Variants in CCDC187 observed in about 807,000 individuals in gnomAD.
The protein encoded by CCDC187 is coiled-coil domain containing 187.
Under a neutral mutation model 38.0 loss-of-function variants are expected in CCDC187, and 32 were observed. That is an observed-to-expected ratio of 0.84 (90% CI 0.64 to 1.13). The LOEUF (loss-of-function observed/expected upper bound fraction) is 1.13. CCDC187 is among the 50% of genes most tolerant of loss of function. The probability of loss-of-function intolerance (pLI) is 0.00; values close to 1 mark genes in which losing one functional copy is unlikely to be tolerated. For missense variants in CCDC187, 707 were observed against 786.8 expected, an observed-to-expected ratio of 0.90 and a Z score of 1.21; for synonymous variants, 333 against 347.9, an observed-to-expected ratio of 0.96 and a Z score of 0.48.
At chr9:136,305,603 T>A (rs930894898), upstream of CCDC187, among the ~76,000 whole-genome samples, 62 of 152,308 alleles carry the variant, frequency 4.1e-4, 1 homozygote, top group Non-Finnish European at 1.5e-5. Context: ...AGGGTCCTCC[T>A]GAGCAGAAGA....
chr9:136,304,778 G>A (rs1588679583), upstream of CCDC187, among the ~76,000 whole-genome samples: 1 of 152,366 alleles, frequency 6.6e-6, no homozygotes, highest in East Asian at 1.9e-4. Flanking sequence ...CCCCGCGGGA[G>A]GTGGCAGTGG....
chr9:136,294,119 C>T (rs1831472032), intron 4 of CCDC187, among the ~76,000 whole-genome samples: 1 of 76,032 alleles, frequency 1.3e-5, no homozygotes, highest in South Asian at 3.7e-4. Flanking sequence ...CTCACACACT[C>T]TCACACTCAT....
chr9:136,267,652 C>T (rs905297951), intron 15 of CCDC187, 141 bp from the exon 16 acceptor site: 20 of 977,592 alleles, frequency 2.0e-5, no homozygotes, highest in Non-Finnish European at 2.1e-5. Context: ...GAGAAGCCCT[C>T]TCGGACTGCC....
chr9:136,268,581 T>C (rs1830787624), intron 14 of CCDC187, among the ~76,000 whole-genome samples: 1 of 152,150 alleles, frequency 6.6e-6, no homozygotes, highest in Non-Finnish European at 1.5e-5. Context: ...AAAAGGAGCC[T>C]GTACTTCAAG....
intron 14 of CCDC187, among the ~76,000 whole-genome samples, chr9:136,274,246 G>A (rs375680883): frequency 1.2e-4 from 18 of 152,236 alleles, no homozygotes; most frequent in Non-Finnish European, 2.1e-4. Flanking sequence ...GAGCAAGGCC[G>A]ACAGCAGCCT....
In CCDC187 at chr9:136,258,582, A is replaced by T; in HGVS notation, c.4366+350T>A. On this transcript the variant is annotated intron_variant, in intron 22 of 25. Coordinates refer to ENST00000638797, the MANE Select transcript of CCDC187 (RefSeq NM_001378188.1). This position sits in a 1 kb window ranked among gnomAD's most constrained non-coding sequence, Gnocchi z 4.3. ...AAGTGTAAGGTTCAGAAAGAGAAAA[A>T]TGTAATCGGTGCAGAAACCTCCGTC... 5.0e-6 allele frequency: 3 copies of T among 604,244 alleles called. No individual in the cohort carries two copies. Among genetic ancestry groups the T allele is most frequent in the Non-Finnish European group, 6.2e-6 (3 of 481,856 alleles). 37.4% of individuals were successfully genotyped at this position (604,244 alleles called of 1,614,324 possible).
In CCDC187 at chr9:136,250,407, G is replaced by A. The variant is rs1306285968; in HGVS notation, c.*3187C>T. 1 of 282,822 alleles carries A rather than the reference G, an allele frequency of 3.5e-6. No individual in the cohort carries two copies. Among genetic ancestry groups the A allele is most frequent in the African/African-American group, 2.2e-5 (1 of 44,980 alleles). The allele number at this position is 282,822 out of a possible 1,614,324, so 17.5% of individuals were successfully genotyped here. On this transcript the variant is annotated 3_prime_UTR_variant, in exon 26 of 26. Coordinates refer to ENST00000638797, the MANE Select transcript of CCDC187 (RefSeq NM_001378188.1). Reference sequence around the variant, plus strand: ...ACGTCAGCACCAACCACGTGGCAGCGAGCCTGGGAGCCATCAGATTCGCTG... The same window carrying A: ...ACGTCAGCACCAACCACGTGGCAGCAAGCCTGGGAGCCATCAGATTCGCTG...
intron 7 of CCDC187, among the ~76,000 whole-genome samples, chr9:136,287,597 G>A (rs1038527129): frequency 6.6e-6 from 1 of 152,126 alleles, no homozygotes; most frequent in Non-Finnish European, 1.5e-5. Context: ...CCACCTCCTC[G>A]GCTGCGGCAC....
At chr9:136,262,769 G>A (rs116612556) in intron 18 of CCDC187, among the ~76,000 whole-genome samples, 1 of 152,306 alleles carries the variant, frequency 6.6e-6, no homozygotes, top group African/African-American at 2.4e-5. Flanking sequence ...CCTGGAGCAG[G>A]TGCTTCAGAG....
At chr9:136,289,235 G>T (rs1013679017) in intron 7 of CCDC187, among the ~76,000 whole-genome samples, 2 of 152,092 alleles carry the variant, frequency 1.3e-5, no homozygotes, top group African/African-American at 4.8e-5. Context: ...AGGCAAATCC[G>T]GGCGGGGCGC....
chr9:136,255,474 G>A (rs1351701379), intron 25 of CCDC187, among the ~76,000 whole-genome samples, 183 bp downstream of exon 25: 5 of 152,214 alleles, frequency 3.3e-5, no homozygotes, highest in African/African-American at 7.2e-5. Context: ...ATCCCTGACC[G>A]TCACTCACCT....
intron 3 of CCDC187, among the ~76,000 whole-genome samples, chr9:136,299,964 C>CA (rs1176239472): frequency 1.3e-5 from 2 of 152,234 alleles, no homozygotes; most frequent in South Asian, 2.1e-4. Flanking sequence ...ACAACAACAA[C>CA]AAAAAATGCC....
At chr9:136,302,715 CCCA>C in intron 2 of CCDC187, 94 bp downstream of exon 2, 1 of 398,254 alleles carries the variant, frequency 2.5e-6, no homozygotes, top group Middle Eastern at 6.3e-4. Context: ...CCGGCTGGCC[CCCA>C]CCACGTGTCC....
At chr9:136,281,831 C>A (rs901794257) in intron 9 of CCDC187, among the ~76,000 whole-genome samples, 168 bp from the exon 10 acceptor site, 2 of 152,168 alleles carry the variant, frequency 1.3e-5, no homozygotes, top group Non-Finnish European at 2.9e-5. Flanking sequence ...GGGCCAAAAG[C>A]CTGGCGGGGG....
chr9:136,295,336 G>C (rs1831509147), intron 4 of CCDC187, among the ~76,000 whole-genome samples: 1 of 152,226 alleles, frequency 6.6e-6, no homozygotes, highest in Non-Finnish European at 1.5e-5. Flanking sequence ...TAGCCCGCCA[G>C]AGGGTCCCGC....
intron 2 of CCDC187, among the ~76,000 whole-genome samples, chr9:136,302,498 A>G (rs1371806314): frequency 1.3e-5 from 2 of 152,080 alleles, no homozygotes; most frequent in African/African-American, 4.8e-5. Context: ...CAGCCCCCCA[A>G]GGCTACAGGG....
At chr9:136,265,268 C>G (rs1242853466) in intron 17 of CCDC187, among the ~76,000 whole-genome samples, 2 of 152,170 alleles carry the variant, frequency 1.3e-5, no homozygotes, top group East Asian at 1.9e-4. Flanking sequence ...CAGCTTTTCC[C>G]CCCTCCACAT....
At chr9:136,289,890 C>T (rs1831273258) in intron 7 of CCDC187, 69 bp downstream of exon 7, 2 of 383,894 alleles carry the variant, frequency 5.2e-6, no homozygotes, top group Non-Finnish European at 9.0e-6. Flanking sequence ...CCAGAACGCA[C>T]CCAGAACTGT....
chr9:136,281,807 A>G (rs1235133467), intron 9 of CCDC187, 144 bp from the exon 10 acceptor site: 3 of 397,126 alleles, frequency 7.6e-6, no homozygotes, highest in Non-Finnish European at 1.3e-5. Context: ...CAGTGTGCCC[A>G]GGGTGGGACC....
Sources: gnomAD v4.1 joint callset for allele counts (sites outside exome capture counted in the v4.1 genomes callset) on GRCh38, gnomAD v4.1.1 for gene constraint, Gnocchi (gnomAD v3.1) non-coding constraint, MANE v1.5 for transcripts, NCBI Gene and HGNC (gene_info 2026-07-23, HGNC 2026-07-21) for gene names.